Variants in FRMD4A observed in about 807,000 individuals in gnomAD.
FRMD4A encodes the protein FERM domain containing 4A.
FRMD4A carries 29 observed loss-of-function variants against 129.1 expected under a neutral mutation model. That is an observed-to-expected ratio of 0.22 (90% CI 0.17 to 0.31). The LOEUF (loss-of-function observed/expected upper bound fraction) is 0.31. FRMD4A is among the 10% of genes least tolerant of loss of function. The pLI, the probability that FRMD4A is intolerant of heterozygous loss-of-function variation, is 1.00. For synonymous variants in FRMD4A, 634 were observed against 571.6 expected (o/e 1.11, Z -1.56); for missense variants, 1,272 against 1,375.8 (o/e 0.92, Z 1.19).
chr10:14,090,433 C>G (rs1836594098), intron 2 of FRMD4A, among the ~76,000 whole-genome samples: 1 of 152,130 alleles, frequency 6.6e-6, no homozygotes, highest in Non-Finnish European at 1.5e-5. Flanking sequence ...AGGACAAGAG[C>G]CTGGGGACAC....
At chr10:13,846,412 G>A (rs560740182) in intron 3 of FRMD4A, among the ~76,000 whole-genome samples, 32 of 152,358 alleles carry the variant, frequency 2.1e-4, no homozygotes, top group South Asian at 6.2e-4. Context: ...AGTCTGCTGA[G>A]ATCCCCGCAG....
At chr10:13,720,246 A>G (rs1206634965) in intron 12 of FRMD4A, among the ~76,000 whole-genome samples, 3 of 152,126 alleles carry the variant, frequency 2.0e-5, no homozygotes, top group African/African-American at 7.2e-5. Context: ...ACGGGGTTTC[A>G]CTATGTTGGC....
chr10:13,891,431 G>C (rs2094695079), intron 2 of FRMD4A, among the ~76,000 whole-genome samples: 2 of 151,486 alleles, frequency 1.3e-5, no homozygotes, highest in South Asian at 4.3e-4. Context: ...GGTTGCAGAA[G>C]AAAGCACAGT....
At position 14,155,735 on chromosome 10, in the gene FRMD4A, G is replaced by A. The variant is rs140212837; in HGVS notation, c.45+174323C>T. ...ATTTAAAAAATGAAAGTAAATGTTA[G>A]GAAAGAGTGAGAGTGGTTGGAGGTT... On this transcript the variant is annotated intron_variant, in intron 2 of 24. Coordinates refer to ENST00000357447, the MANE Select transcript of FRMD4A (RefSeq NM_018027.5). 2.6e-5 allele frequency among the ~76,000 whole-genome samples: 4 copies of A among 152,162 alleles called. No homozygotes were observed. The South Asian group carries it at 8.3e-4, about 32-fold the overall frequency.
At chr10:14,115,780 C>T (rs1019469030) in intron 2 of FRMD4A, among the ~76,000 whole-genome samples, 3 of 152,202 alleles carry the variant, frequency 2.0e-5, no homozygotes, top group Non-Finnish European at 4.4e-5. Context: ...GAGGTCTGCA[C>T]CAGAAGCAGA....
intron 2 of FRMD4A, among the ~76,000 whole-genome samples, chr10:13,897,135 A>G (rs1452273780): frequency 6.6e-6 from 1 of 152,212 alleles, no homozygotes; most frequent in Non-Finnish European, 1.5e-5. Flanking sequence ...CAGCCCTAAC[A>G]TGTAGTTGTG....
At chr10:13,747,354 T>A (rs549062606) in intron 9 of FRMD4A, among the ~76,000 whole-genome samples, 2 of 151,650 alleles carry the variant, frequency 1.3e-5, no homozygotes, top group Admixed American at 6.6e-5. Flanking sequence ...CTGGCCAACA[T>A]GGTGAAACCC....
intron 2 of FRMD4A, among the ~76,000 whole-genome samples, chr10:14,181,382 G>A (rs1299492934): frequency 3.3e-5 from 5 of 152,148 alleles, no homozygotes; most frequent in Non-Finnish European, 7.4e-5. Flanking sequence ...TCGCTGCCCC[G>A]TGTTTGCTCA....
intron 2 of FRMD4A, among the ~76,000 whole-genome samples, chr10:14,150,388 T>A (rs1840282690): frequency 6.6e-6 from 1 of 152,222 alleles, no homozygotes; most frequent in Admixed American, 6.5e-5. Context: ...AATTAGATCG[T>A]TATTTCCATT....
At chr10:13,717,692 G>GTTTTTTTT (rs35059886) in intron 12 of FRMD4A, among the ~76,000 whole-genome samples, 4 of 95,248 alleles carry the variant, frequency 4.2e-5, no homozygotes, top group African/African-American at 8.6e-5. Context: ...TGTTGTTCTT[G>GTTTTTTTT]TTTTTTTTTT....
intron 18 of FRMD4A, among the ~76,000 whole-genome samples, chr10:13,664,188 G>A (rs1470333880): frequency 6.6e-6 from 1 of 152,196 alleles, no homozygotes; most frequent in Non-Finnish European, 1.5e-5. Flanking sequence ...AAGGTCCCAA[G>A]TCTTCAGATT....
rs1175552236 is a variant in FRMD4A, at chr10:13,657,278, G to A, written c.2311C>T (p.Leu771=). The A allele has an allele frequency of 1.2e-6, 2 of 1,606,012 alleles. No homozygotes were observed. The highest frequency in any genetic ancestry group is 2.7e-5 in the African/African-American group (2 of 74,870). ...PAQMNANYST[L]AEDSPSKARQ... ...GCCTTGGACGGCGAGTCCTCGGCCAGCGTGGAGTAGTTGGCGTTCATCTGC... is the reference window on the plus strand; with the variant it reads ...GCCTTGGACGGCGAGTCCTCGGCCAACGTGGAGTAGTTGGCGTTCATCTGC... The change falls in exon 22 of 25, where the codon CTG becomes TTG. Residue 771 remains leucine, a synonymous_variant. Transcript: ENST00000357447.
At chr10:14,089,630 C>CAAAA (rs59553317) in intron 2 of FRMD4A, among the ~76,000 whole-genome samples, 12 of 130,788 alleles carry the variant, frequency 9.2e-5, no homozygotes, top group East Asian at 6.8e-4. Flanking sequence ...AAAAAAAAAA[C>CAAAA]AAAAAAAAAC....
At chr10:14,184,905 A>G (rs2131907887) in intron 2 of FRMD4A, among the ~76,000 whole-genome samples, 1 of 152,302 alleles carries the variant, frequency 6.6e-6, no homozygotes, top group Middle Eastern at 3.4e-3. Context: ...GCGATGGAGC[A>G]CAAACAAACG....
chr10:13,762,921 G>A (rs1198929781), intron 6 of FRMD4A, among the ~76,000 whole-genome samples: 1 of 152,102 alleles, frequency 6.6e-6, no homozygotes, highest in Non-Finnish European at 1.5e-5. Flanking sequence ...GTTGTAGCGA[G>A]CTGTGATAGT....
chr10:14,145,892 A>G (rs1025162795), intron 2 of FRMD4A, among the ~76,000 whole-genome samples: 1 of 152,174 alleles, frequency 6.6e-6, no homozygotes, highest in Non-Finnish European at 1.5e-5. Flanking sequence ...ATTTAGAGTA[A>G]CGTGCTTATT....
intron 2 of FRMD4A, among the ~76,000 whole-genome samples, chr10:14,198,027 C>T (rs1842522381): frequency 6.6e-6 from 1 of 152,188 alleles, no homozygotes; most frequent in Admixed American, 6.5e-5. Flanking sequence ...TTCCAGTGCT[C>T]ATCCTCCATC....
chr10:14,319,233 G>T (rs1374165655), intron 2 of FRMD4A, among the ~76,000 whole-genome samples: 1 of 152,108 alleles, frequency 6.6e-6, no homozygotes, highest in Admixed American at 6.5e-5. Context: ...ACTGTACTCT[G>T]TTGGAACTCC....
chr10:14,238,736 A>C (rs1843921318), intron 2 of FRMD4A, among the ~76,000 whole-genome samples: 1 of 151,786 alleles, frequency 6.6e-6, no homozygotes. Flanking sequence ...CCCTGTGTCC[A>C]TGTGTTCTCA....
Sources: allele counts gnomAD v4.1 joint callset (sites outside exome capture counted in the v4.1 genomes callset), GRCh38; gene constraint gnomAD v4.1.1; transcripts MANE v1.5; gene names NCBI Gene and HGNC (gene_info 2026-07-23, HGNC 2026-07-21).